The following AP3B2 variants were observed in gnomAD, a reference collection of about 807,000 sequenced individuals.
AP3B2 encodes the protein AP-3 complex subunit beta-2.
Under a neutral mutation model 126.9 loss-of-function variants are expected in AP3B2, and 50 were observed. The ratio of observed to expected loss-of-function variants is 0.39; its 90% CI spans 0.31 to 0.50. The LOEUF (loss-of-function observed/expected upper bound fraction) is 0.50. Ranked by LOEUF, AP3B2 falls within the 20% of genes least tolerant of loss-of-function variation. The pLI, the probability that AP3B2 is intolerant of heterozygous loss-of-function variation, is 0.79. For missense variants in AP3B2, 1,177 were observed against 1,426.4 expected (o/e 0.83, Z 2.82); for synonymous variants, 541 against 565.0 (o/e 0.96, Z 0.60).
intron 4 of AP3B2, among the ~76,000 whole-genome samples, chr15:82,683,437 C>T (rs1313269898): frequency 6.6e-6 from 1 of 152,180 alleles, no homozygotes; most frequent in African/African-American, 2.4e-5. Flanking sequence ...CATGAGATTG[C>T]AGCAATTCAG....
At chr15:82,704,341 C>G (rs1298809946) in intron 1 of AP3B2, among the ~76,000 whole-genome samples, 1 of 152,172 alleles carries the variant, frequency 6.6e-6, no homozygotes, top group Non-Finnish European at 1.5e-5. Context: ...CTTAATTAAC[C>G]TCGCCTTCAA....
Position 82,665,373 on chromosome 15 carries a change from ACCAACACACACACACACACACACACAC to A in AP3B2, c.1971+57_1972-71del. 6.9e-7 allele frequency: 1 copy of A among 1,443,742 alleles called. No individual in the cohort carries two copies. The highest frequency in any genetic ancestry group is 2.3e-5 in the East Asian group (1 of 42,838). The allele number at this position is 1,443,742 out of a possible 1,614,324, so 89.4% of individuals were successfully genotyped here. On this transcript the variant is annotated intron_variant, in intron 16 of 26. Transcript: ENST00000535359. The surrounding 1 kb of genome is among the most constrained non-coding windows in gnomAD (Gnocchi z 4.4). ...CCAGGGCTCCCTACTGTCTGCCCCC[ACCAACACACACACACACACACACACAC>A]ACACACACACACACACACACACACA...
intron 1 of AP3B2, among the ~76,000 whole-genome samples, chr15:82,703,394 C>A (rs955759143): frequency 6.6e-6 from 1 of 151,992 alleles, no homozygotes; most frequent in Non-Finnish European, 1.5e-5. Flanking sequence ...AAGCACCCCC[C>A]ACCCCTTCTC....
chr15:82,696,903 CCAAGA>C (rs1463604882), intron 1 of AP3B2, among the ~76,000 whole-genome samples: 4 of 152,148 alleles, frequency 2.6e-5, no homozygotes, highest in Non-Finnish European at 4.4e-5. Context: ...TCATATGTTG[CCAAGA>C]CAATTCCAAA....
intron 24 of AP3B2, 117 bp from the exon 25 acceptor site, chr15:82,662,039 C>A: frequency 7.8e-7 from 1 of 1,287,612 alleles, no homozygotes; most frequent in Non-Finnish European, 1.1e-6. Context: ...GGAATGAGGG[C>A]CTGAGATGGC....
intron 1 of AP3B2, among the ~76,000 whole-genome samples, chr15:82,709,363 C>G (rs1567279885): frequency 6.6e-6 from 1 of 152,094 alleles, no homozygotes; most frequent in Admixed American, 6.5e-5. Flanking sequence ...CCATCCCCCG[C>G]CAGCCCCTAT....
intron 1 of AP3B2, chr15:82,699,808 T>A: frequency 2.5e-6 from 1 of 399,330 alleles, no homozygotes; most frequent in Non-Finnish European, 4.4e-6. Context: ...AGCCTCTTGA[T>A]CAGCTCCGCA....
Position 82,684,896 on chromosome 15 carries a change from A to T in AP3B2, c.361-3316T>A, listed in dbSNP as rs144639488. ...AGCTTTCAGCCTATCACAGCTTTTA[A>T]CATACCTTCCTCACTAAGCCTAACC... On this transcript the variant is annotated intron_variant, in intron 4 of 26. Coordinates refer to ENST00000535359, the MANE Select transcript of AP3B2 (RefSeq NM_001278512.2). Among the ~76,000 whole-genome samples, 494 of 152,308 alleles carry T rather than the reference A, an allele frequency of 3.2e-3. 3 individuals carry two copies. The highest frequency in any genetic ancestry group is 0.011 in the African/African-American group (473 of 41,572).
chr15:82,669,114 G>A (rs962108267), intron 14 of AP3B2, among the ~76,000 whole-genome samples: 3 of 152,166 alleles, frequency 2.0e-5, no homozygotes, highest in Admixed American at 6.5e-5. Context: ...TTGGGTATGG[G>A]CAAAACCTGA....
chr15:82,690,642 C>CTTTTTTTTT lies in AP3B2; in HGVS notation c.114-1198_114-1190dup, dbSNP rs147811093. On this transcript the variant is annotated intron_variant, in intron 1 of 26. Coordinates refer to ENST00000535359, the MANE Select transcript of AP3B2 (RefSeq NM_001278512.2). The stretch of plus-strand genomic sequence containing the variant: ...TGTATATGTGCCACATTTTCTTCTT[C>CTTTTTTTTT]TTTTTTTTTTTTTTTTTTTTTTTTT... 4.1e-4 allele frequency among the ~76,000 whole-genome samples: 28 copies of CTTTTTTTTT among 68,912 alleles called. 1 individual carries two copies. The highest frequency in any genetic ancestry group is 1.3e-3 in the African/African-American group (19 of 15,112). 45.2% of individuals were successfully genotyped at this position (68,912 alleles called of 152,430 possible). A position where few individuals can be genotyped will look rare whatever the true frequency, so the allele number is the denominator to read the frequency against.
intron 3 of AP3B2, 48 bp downstream of exon 3, chr15:82,689,110 G>A (rs775928830): frequency 1.3e-6 from 2 of 1,595,502 alleles, no homozygotes; most frequent in African/African-American, 2.7e-5. Context: ...CTTGAGTGTG[G>A]TCCTGGGGGA....
intron 14 of AP3B2, among the ~76,000 whole-genome samples, chr15:82,671,466 C>T (rs1382992145): frequency 2.6e-5 from 4 of 151,792 alleles, no homozygotes; most frequent in South Asian, 2.1e-4. Context: ...AGGCCGGGCA[C>T]GGTGGCTCAC....
At chr15:82,663,496 G>C in intron 21 of AP3B2, 64 bp downstream of exon 21, 1 of 1,547,424 alleles carries the variant, frequency 6.5e-7, no homozygotes, top group Admixed American at 1.7e-5. Context: ...GAGTCCCTAT[G>C]GGCTGTTCTA....
chr15:82,663,664 C>T (rs1053342909), intron 20 of AP3B2, 44 bp from the exon 21 acceptor site: 3 of 1,612,900 alleles, frequency 1.9e-6, no homozygotes, highest in African/African-American at 2.7e-5. Flanking sequence ...AGGGGAGCAC[C>T]TTGGCATGTT....
chr15:82,691,148 T>C (rs1026629351), intron 1 of AP3B2, among the ~76,000 whole-genome samples: 19 of 152,232 alleles, frequency 1.2e-4, no homozygotes, highest in African/African-American at 4.6e-4. Context: ...CTGGGTCAAA[T>C]GGTATTTCTA....
chr15:82,680,383 C>A lies in AP3B2; in HGVS notation c.1055+89G>T. On this transcript the variant is annotated intron_variant, in intron 8 of 26. Transcript: ENST00000535359. This position sits in a 1 kb window ranked among gnomAD's most constrained non-coding sequence, Gnocchi z 6.1. The stretch of plus-strand genomic sequence containing the variant: ...TGGAGCGGGTGGGCAGAGGTGGAAG[C>A]GGCTGGTGGGCGTGAGGGGGCGGAG... The A allele has an allele frequency of 7.0e-7, 1 of 1,431,580 alleles. No individual in the cohort carries two copies. Among genetic ancestry groups the A allele is most frequent in the Non-Finnish European group, 9.2e-7 (1 of 1,082,932 alleles). 88.7% of individuals were successfully genotyped at this position (1,431,580 alleles called of 1,614,324 possible).
At chr15:82,706,312 A>G (rs952056620) in intron 1 of AP3B2, among the ~76,000 whole-genome samples, 2 of 152,090 alleles carry the variant, frequency 1.3e-5, no homozygotes, top group African/African-American at 2.4e-5. Context: ...CAAAAGGACT[A>G]TGTGTCAATA....
chr15:82,707,431 T>G (rs2048813685), intron 1 of AP3B2, among the ~76,000 whole-genome samples: 1 of 152,182 alleles, frequency 6.6e-6, no homozygotes, highest in Non-Finnish European at 1.5e-5. Flanking sequence ...CAACTTGGAC[T>G]GTGCCCCAGA....
intron 4 of AP3B2, chr15:82,685,840 AT>A (rs1371264611): frequency 6.6e-6 from 1 of 152,208 alleles, no homozygotes; most frequent in Non-Finnish European, 1.5e-5. Flanking sequence ...TAAGAGCAGA[AT>A]TCACATCTGT....
Sources: gnomAD v4.1 joint callset for allele counts (sites outside exome capture counted in the v4.1 genomes callset) on GRCh38, gnomAD v4.1.1 for gene constraint, Gnocchi (gnomAD v3.1) non-coding constraint, MANE v1.5 for transcripts, NCBI Gene and HGNC (gene_info 2026-07-23, HGNC 2026-07-21) for gene names.